LRRTM4: variants seen among roughly 807,000 people sequenced by gnomAD.
LRRTM4 encodes the protein leucine rich repeat transmembrane neuronal 4, also known as leucine-rich repeat transmembrane neuronal protein 4.
LRRTM4 carries 25 observed loss-of-function variants against 47.6 expected under a neutral mutation model. The observed-to-expected ratio is 0.53, with a 90% CI of 0.38 to 0.73. The LOEUF (loss-of-function observed/expected upper bound fraction) is 0.73. Among genes scored for constraint, LRRTM4 ranks in the 30% least tolerant of loss-of-function variants. The probability of loss-of-function intolerance (pLI) is 0.00; values close to 1 mark genes in which losing one functional copy is unlikely to be tolerated. For missense variants in LRRTM4, 638 were observed against 713.4 expected, an observed-to-expected ratio of 0.89 and a Z score of 1.20; for synonymous variants, 311 against 269.5, an observed-to-expected ratio of 1.15 and a Z score of -1.51.
intron 3 of LRRTM4, among the ~76,000 whole-genome samples, chr2:77,482,844 C>G (rs1677759435): frequency 6.6e-6 from 1 of 151,902 alleles, no homozygotes. Flanking sequence ...ACTTATTGGC[C>G]AGGCGTGGTG....
chr2:77,240,893 GA>G (rs1451910144), intron 3 of LRRTM4, among the ~76,000 whole-genome samples: 1 of 151,812 alleles, frequency 6.6e-6, no homozygotes, highest in Admixed American at 6.6e-5. Flanking sequence ...AAACAATAAT[GA>G]AAAGTTTATA....
At chr2:77,516,084 T>C (rs1388246877) in intron 3 of LRRTM4, among the ~76,000 whole-genome samples, 1 of 151,806 alleles carries the variant, frequency 6.6e-6, no homozygotes, top group African/African-American at 2.4e-5. Flanking sequence ...AGCCTACTAA[T>C]GTCCATGTTT....
At chr2:77,484,042 T>C (rs1677818319) in intron 3 of LRRTM4, among the ~76,000 whole-genome samples, 1 of 152,210 alleles carries the variant, frequency 6.6e-6, no homozygotes, top group South Asian at 2.1e-4. Context: ...TGTTGTTGTG[T>C]TACCATTAGA....
intron 3 of LRRTM4, among the ~76,000 whole-genome samples, chr2:77,005,222 G>C (rs1007153687): frequency 2.0e-5 from 3 of 152,136 alleles, no homozygotes; most frequent in Admixed American, 2.0e-4. Context: ...TCAGCTCACT[G>C]CAACCTCTGC....
chr2:76,955,153 A>T (rs1675628868), intron 3 of LRRTM4, among the ~76,000 whole-genome samples: 1 of 151,874 alleles, frequency 6.6e-6, no homozygotes, highest in African/African-American at 2.4e-5. Context: ...AAGCTCACTG[A>T]TAAGGGTAAA....
chr2:77,052,038 G>A (rs1417257649), intron 3 of LRRTM4, among the ~76,000 whole-genome samples: 6 of 151,322 alleles, frequency 4.0e-5, no homozygotes, highest in Non-Finnish European at 8.8e-5. Flanking sequence ...CATAGATTGT[G>A]TCTGAAGACA....
chr2:77,489,710 C>A (rs1239232258), intron 3 of LRRTM4, among the ~76,000 whole-genome samples: 1 of 152,164 alleles, frequency 6.6e-6, no homozygotes, highest in Non-Finnish European at 1.5e-5. Flanking sequence ...ACCAATGTGA[C>A]AAAACCCATT....
intron 3 of LRRTM4, among the ~76,000 whole-genome samples, chr2:77,080,794 A>G (rs182756489): frequency 6.6e-6 from 1 of 152,288 alleles, no homozygotes; most frequent in Non-Finnish European, 1.5e-5. Context: ...TCTTGCCCTC[A>G]AGGTACTTAA....
At chr2:77,254,881 G>A (rs1283941751) in intron 3 of LRRTM4, among the ~76,000 whole-genome samples, 1 of 144,748 alleles carries the variant, frequency 6.9e-6, no homozygotes, top group African/African-American at 2.6e-5. Flanking sequence ...AGAGAAATAG[G>A]AAAGAGAGAG....
intron 3 of LRRTM4, among the ~76,000 whole-genome samples, chr2:77,369,159 C>T (rs1205999788): frequency 6.6e-6 from 1 of 151,646 alleles, no homozygotes; most frequent in Admixed American, 6.6e-5. Flanking sequence ...AATGCATATC[C>T]AAATTCTTAC....
chr2:76,755,971 A>G (rs375481179), intron 3 of LRRTM4, among the ~76,000 whole-genome samples: 1 of 152,226 alleles, frequency 6.6e-6, no homozygotes, highest in South Asian at 2.1e-4. Flanking sequence ...AACACAATTG[A>G]CCAGCATTAA....
At chr2:76,779,953 C>G (rs534074418) in intron 3 of LRRTM4, among the ~76,000 whole-genome samples, 2 of 151,842 alleles carry the variant, frequency 1.3e-5, no homozygotes, top group African/African-American at 2.4e-5. Flanking sequence ...GTAAGGCAGG[C>G]CTGGTGGTGA....
intron 3 of LRRTM4, among the ~76,000 whole-genome samples, chr2:76,818,408 C>A (rs939678661): frequency 6.6e-6 from 1 of 151,676 alleles, no homozygotes; most frequent in Non-Finnish European, 1.5e-5. Flanking sequence ...ATGCTCTTCC[C>A]ACAACCAGGG....
intron 3 of LRRTM4, among the ~76,000 whole-genome samples, chr2:77,334,480 A>G (rs1671088768): frequency 6.6e-6 from 1 of 152,076 alleles, no homozygotes; most frequent in African/African-American, 2.4e-5. Context: ...GAGTCTTATG[A>G]TATCCGATTG....
chr2:77,211,102 AATAG>A (rs34543658), intron 3 of LRRTM4, among the ~76,000 whole-genome samples: 16,361 of 152,100 alleles, frequency 0.11, 1,253 homozygotes, highest in East Asian at 0.34. Context: ...AATATGGGGA[AATAG>A]ATAGAGAAGT....
chr2:77,320,542 G>C (rs1026053650), intron 3 of LRRTM4, among the ~76,000 whole-genome samples: 1 of 152,078 alleles, frequency 6.6e-6, no homozygotes, highest in Admixed American at 6.6e-5. Context: ...GTCTCAAAAG[G>C]ACTCAATGTG....
chr2:77,006,436 G>C (rs11884011), intron 3 of LRRTM4, among the ~76,000 whole-genome samples: 16,283 of 152,126 alleles, frequency 0.11, 2,796 homozygotes, highest in African/African-American at 0.36. Context: ...CATTCCAAAA[G>C]TAAAGCTTCC....
At chr2:76,946,416 A>C (rs1042412627) in intron 3 of LRRTM4, among the ~76,000 whole-genome samples, 1 of 151,812 alleles carries the variant, frequency 6.6e-6, no homozygotes, top group Non-Finnish European at 1.5e-5. Flanking sequence ...GAACTAATAT[A>C]TAATAAATAT....
chr2:76,771,459 T>A (rs1473620724), intron 3 of LRRTM4, among the ~76,000 whole-genome samples: 4 of 151,414 alleles, frequency 2.6e-5, no homozygotes, highest in Admixed American at 1.3e-4. Context: ...GGAGGTGAGG[T>A]GGGACAGTAG....
Sources: gnomAD v4.1 joint callset for allele counts (sites outside exome capture counted in the v4.1 genomes callset) on GRCh38, gnomAD v4.1.1 for gene constraint, MANE v1.5 for transcripts, NCBI Gene and HGNC (gene_info 2026-07-23, HGNC 2026-07-21) for gene names.